SH3TC1: variants seen among roughly 807,000 people sequenced by gnomAD.
SH3TC1 encodes SH3 domain and tetratricopeptide repeat-containing protein 1.
SH3TC1 carries 135 observed loss-of-function variants against 117.3 expected under a neutral mutation model. That is an observed-to-expected ratio of 1.15 (90% CI 1.00 to 1.33). The LOEUF (loss-of-function observed/expected upper bound fraction) is 1.33. Ranked by LOEUF, SH3TC1 falls within the 40% of genes most tolerant of loss-of-function variation. SH3TC1 has a pLI of 0.00. For synonymous variants in SH3TC1, 898 were observed against 816.9 expected, an observed-to-expected ratio of 1.10 and a Z score of -1.69; for missense variants, 2,092 against 1,794.3, an observed-to-expected ratio of 1.17 and a Z score of -3.00.
chr4:8,234,299 C>T (rs1198338055), intron 14 of SH3TC1, among the ~76,000 whole-genome samples: 1 of 151,818 alleles, frequency 6.6e-6, no homozygotes. Context: ...TTCATCCATC[C>T]ACCCACCCAT....
In SH3TC1 at chr4:8,237,622, C is replaced by T. The variant is rs151325767; in HGVS notation, c.3705C>T (p.Tyr1235=). 2,159 of 1,611,654 alleles carry T rather than the reference C, an allele frequency of 1.3e-3. 3 individuals are homozygous for T. The highest frequency in any genetic ancestry group is 1.6e-3 in the Non-Finnish European group (1,912 of 1,179,082). ...PLEFDEETLY[Y]VKVYLVLGDI... ...AGTTTGACGAGGAGACCCTCTACTACGTGAAGGTGTACCTGGTGCTCGGTG... is the reference window on the plus strand; with the variant it reads ...AGTTTGACGAGGAGACCCTCTACTATGTGAAGGTGTACCTGGTGCTCGGTG... The change falls in exon 17 of 18, where the codon TAC becomes TAT. Residue 1235 remains tyrosine, a synonymous_variant. Coordinates refer to ENST00000245105, the MANE Select transcript of SH3TC1 (RefSeq NM_018986.5).
chr4:8,213,906 A>G (rs1336810371), intron 4 of SH3TC1, among the ~76,000 whole-genome samples: 2 of 151,786 alleles, frequency 1.3e-5, no homozygotes, highest in Non-Finnish European at 2.9e-5. Flanking sequence ...AAAAAAAAGA[A>G]AGAAACGGGG....
intron 2 of SH3TC1, among the ~76,000 whole-genome samples, chr4:8,207,935 A>T (rs1300418029): frequency 6.6e-6 from 1 of 152,210 alleles, no homozygotes; most frequent in African/African-American, 2.4e-5. Flanking sequence ...TGTTTGAGAG[A>T]CTGAAGAGGA....
At position 8,217,177 on chromosome 4, in the gene SH3TC1, G is replaced by A. The variant is rs565627209; in HGVS notation, c.839+10G>A. 21 of 1,591,542 alleles carry A rather than the reference G, an allele frequency of 1.3e-5. No individual in the cohort carries two copies. The African/African-American group carries it at 1.3e-4, about 10-fold the overall frequency. On this transcript the variant is annotated intron_variant, in intron 7 of 17. Coordinates refer to ENST00000245105, the MANE Select transcript of SH3TC1 (RefSeq NM_018986.5). ...TGATTCCATTTCATCAGTAGGTACC[G>A]GCCTTTGCTGCTCTGAGAGCTGTTG...
intron 8 of SH3TC1, among the ~76,000 whole-genome samples, chr4:8,218,973 G>A (rs909615871): frequency 8.5e-5 from 13 of 152,244 alleles, no homozygotes; most frequent in East Asian, 1.9e-4. Context: ...GGTGGCCTGC[G>A]CACCTGTCAG....
intron 5 of SH3TC1, 93 bp from the exon 6 acceptor site, chr4:8,216,018 G>A (rs1157059548): frequency 2.0e-6 from 3 of 1,485,664 alleles, no homozygotes; most frequent in Non-Finnish European, 2.7e-6. Context: ...GACCTGGTCA[G>A]TGCAGGGCTC....
At chr4:8,188,822 C>G (rs1306465321) in intron 1 of SH3TC1, among the ~76,000 whole-genome samples, 3 of 152,250 alleles carry the variant, frequency 2.0e-5, no homozygotes, top group Admixed American at 2.0e-4. Flanking sequence ...CAACAAGGGG[C>G]TGCTGCCTGG....
chr4:8,233,063 C>T, intron 13 of SH3TC1: 1 of 1,255,464 alleles, frequency 8.0e-7, no homozygotes, highest in Non-Finnish European at 1.0e-6. Context: ...CTGATGGCTC[C>T]TGGTGCGTCT....
chr4:8,192,384 C>G lies in SH3TC1; in HGVS notation c.-57+10174C>G, dbSNP rs900822897. 2.0e-5 allele frequency among the ~76,000 whole-genome samples: 3 copies of G among 152,154 alleles called. No homozygotes were observed. Among genetic ancestry groups the G allele is most frequent in the Non-Finnish European group, 4.4e-5 (3 of 68,038 alleles). ...GGTAAAGGTCATTTTCGCCCTGCCC[C>G]TCAGTCTCCCCATTTGTAAGCCTGA... On this transcript the variant is annotated intron_variant, in intron 1 of 16. Transcript: ENST00000508641. This position sits in a 1 kb window ranked among gnomAD's most constrained non-coding sequence, Gnocchi z 4.1.
In SH3TC1 at chr4:8,225,138, T is replaced by A; in HGVS notation, c.1244-37T>A. 1 of 1,613,016 alleles carries A rather than the reference T, an allele frequency of 6.2e-7. No individual in the cohort carries two copies. Among genetic ancestry groups the A allele is most frequent in the Non-Finnish European group, 8.5e-7 (1 of 1,179,556 alleles). The stretch of plus-strand genomic sequence containing the variant: ...CTGGCAGGGGACCAGAGGTACTGGC[T>A]GGGGGTGTTGATTGCTTCTCTTTTC... On this transcript the variant is annotated intron_variant, in intron 10 of 17. Coordinates refer to ENST00000245105, the MANE Select transcript of SH3TC1 (RefSeq NM_018986.5). The surrounding 1 kb of genome is among the most constrained non-coding windows in gnomAD (Gnocchi z 5.5).
rs1213881960 is a variant in SH3TC1 at position 8,237,559 on chromosome 4, C to T, written c.3642C>T (p.Phe1214=). The change falls in exon 17 of 18, where the codon TTC becomes TTT. Residue 1214 remains phenylalanine, a synonymous_variant. Coordinates refer to ENST00000245105, the MANE Select transcript of SH3TC1 (RefSeq NM_018986.5). ...RLGHGELAEH[F]YLKALSLCNS... ...GCCATGGCGAGCTGGCAGAGCACTT[C>T]TACCTCAAGGCCCTGTCGCTCTGCA... The T allele has an allele frequency of 6.2e-7, 1 of 1,612,012 alleles. No homozygotes were observed. The highest frequency in any genetic ancestry group is 8.5e-7 in the Non-Finnish European group (1 of 1,179,534).
chr4:8,224,359 T>G (rs1228084230), intron 10 of SH3TC1, among the ~76,000 whole-genome samples: 1 of 152,206 alleles, frequency 6.6e-6, no homozygotes, highest in Non-Finnish European at 1.5e-5. Context: ...CCTCAGCATA[T>G]CAAGGCTCAG....
intron 2 of SH3TC1, among the ~76,000 whole-genome samples, chr4:8,208,069 A>G (rs1445239600): frequency 6.6e-6 from 1 of 152,172 alleles, no homozygotes; most frequent in African/African-American, 2.4e-5. Flanking sequence ...ATTTTCCCTT[A>G]GCACCCTCCC....
intron 10 of SH3TC1, among the ~76,000 whole-genome samples, chr4:8,223,925 G>A: frequency 6.6e-6 from 1 of 151,656 alleles, no homozygotes; most frequent in East Asian, 2.0e-4. Flanking sequence ...GTGAGCCACT[G>A]TGCCCAGCAT....
At chr4:8,238,802 C>T (rs1389286232) in intron 17 of SH3TC1, among the ~76,000 whole-genome samples, 7 of 152,206 alleles carry the variant, frequency 4.6e-5, no homozygotes, top group Non-Finnish European at 5.9e-5. Flanking sequence ...CTGCCCACTC[C>T]GCCCACCCAG....
chr4:8,239,955 C>T (rs954353531), intron 17 of SH3TC1, among the ~76,000 whole-genome samples: 4 of 152,220 alleles, frequency 2.6e-5, no homozygotes, highest in South Asian at 2.1e-4. Flanking sequence ...GGGGCGGGGC[C>T]GTGAGGGCAT....
chr4:8,240,410 C>T (rs545703323), intron 17 of SH3TC1, among the ~76,000 whole-genome samples: 33 of 152,266 alleles, frequency 2.2e-4, no homozygotes, highest in African/African-American at 6.0e-4. Flanking sequence ...AGGCAGGATC[C>T]GCCCCAACCT....
chr4:8,222,376 T>G (rs1287149198), intron 9 of SH3TC1, among the ~76,000 whole-genome samples: 2 of 138,486 alleles, frequency 1.4e-5, no homozygotes, highest in Admixed American at 1.4e-4. Context: ...TTTTTTTTTT[T>G]TTTTTTTTTT....
chr4:8,215,013 C>T (rs1719113375), intron 5 of SH3TC1, among the ~76,000 whole-genome samples: 2 of 152,228 alleles, frequency 1.3e-5, no homozygotes, highest in Admixed American at 1.3e-4. Flanking sequence ...ACAAAGGCCT[C>T]ACTAGCAAGA....
Sources: gnomAD v4.1 joint callset for allele counts (sites outside exome capture counted in the v4.1 genomes callset) on GRCh38, gnomAD v4.1.1 for gene constraint, Gnocchi (gnomAD v3.1) non-coding constraint, MANE v1.5 for transcripts, NCBI Gene and HGNC (gene_info 2026-07-23, HGNC 2026-07-21) for gene names.